Variants in CSDE1 observed in about 807,000 individuals in gnomAD.
CSDE1 encodes the protein cold shock domain containing E1.
Under a neutral mutation model 89.3 loss-of-function variants are expected in CSDE1, and 17 were observed. The ratio of observed to expected loss-of-function variants is 0.19; its 90% confidence interval spans 0.13 to 0.29. CSDE1 has a LOEUF of 0.29. Among genes scored for constraint, CSDE1 ranks in the 10% least tolerant of loss-of-function variants. The pLI is 1.00. For missense variants in CSDE1, 672 were observed against 984.2 expected, an observed-to-expected ratio of 0.68 and a Z score of 4.24; for synonymous variants, 322 against 332.8, an observed-to-expected ratio of 0.97 and a Z score of 0.35.
intron 12 of CSDE1, among the ~76,000 whole-genome samples, chr1:114,729,514 CA>C (rs66566286): frequency 0.65 from 83,104 of 127,256 alleles, 26,528 homozygotes; most frequent in East Asian, 0.96. Context: ...CACACAAAAC[CA>C]AAAAAAAAAA....
At chr1:114,721,865 T>C (rs1659543603) in intron 16 of CSDE1, among the ~76,000 whole-genome samples, 2 of 147,868 alleles carry the variant, frequency 1.4e-5, no homozygotes, top group African/African-American at 5.0e-5. Context: ...GGTTTACAGG[T>C]GTGAGCCACC....
chr1:114,734,483 T>C lies in CSDE1; in HGVS notation c.541A>G (p.Lys181Glu). 6.2e-7 allele frequency: 1 copy of C among 1,613,064 alleles called. No individual in the cohort carries two copies. Among genetic ancestry groups the C allele is most frequent in the Non-Finnish European group, 8.5e-7 (1 of 1,179,716 alleles). The change falls in exon 7 of 20, where the codon AAG becomes GAG. Residue 181 changes from lysine to glutamate, a missense_variant. Around this residue, in one of 8 missense-constraint regions of CSDE1, gnomAD observed 124 missense variants for 138.7 expected, o/e 0.89. Coordinates refer to ENST00000358528, the MANE Select transcript of CSDE1 (RefSeq NM_001007553.3). ...VSARNIMLLK[K>E]KQARCQGVVC... is the part of the protein sequence containing the mutation. ...ACTCCCTGACAGCGGGCTTGTTTCT[T>C]TTTCAACAGCATAATGTTGCGAGCA... is the stretch of plus-strand genomic sequence containing the variant.
chr1:114,754,388 AAC>A (rs1356886539), intron 1 of CSDE1, among the ~76,000 whole-genome samples: 2 of 152,262 alleles, frequency 1.3e-5, no homozygotes, highest in African/African-American at 4.8e-5. Context: ...AGGTTAAACT[AAC>A]ACATTTATGT....
At chr1:114,731,873 G>A (rs780785041) in intron 10 of CSDE1, among the ~76,000 whole-genome samples, 13 of 152,262 alleles carry the variant, frequency 8.5e-5, no homozygotes, top group Admixed American at 2.6e-4. Flanking sequence ...GCAGGGCAAC[G>A]GCATGGTATT....
intron 2 of CSDE1, among the ~76,000 whole-genome samples, chr1:114,742,486 GC>G (rs1279045056): frequency 6.6e-6 from 1 of 152,160 alleles, no homozygotes; most frequent in Non-Finnish European, 1.5e-5. Context: ...GGAGGGGGAG[GC>G]ATGAGAATTG....
chr1:114,731,781 C>A (rs1281304355), intron 10 of CSDE1, among the ~76,000 whole-genome samples: 1 of 152,188 alleles, frequency 6.6e-6, no homozygotes, highest in Non-Finnish European at 1.5e-5. Context: ...CCCAACACAA[C>A]AAATTGTTAA....
intron 12 of CSDE1, among the ~76,000 whole-genome samples, chr1:114,729,981 T>C (rs1660014106): frequency 6.6e-6 from 1 of 152,172 alleles, no homozygotes; most frequent in Non-Finnish European, 1.5e-5. Flanking sequence ...GCTGTCACAA[T>C]GGGAGGCAGG....
intron 2 of CSDE1, among the ~76,000 whole-genome samples, chr1:114,743,845 T>G (rs906912013): frequency 7.2e-5 from 11 of 152,362 alleles, no homozygotes; most frequent in Non-Finnish European, 1.5e-4. Context: ...ACTAGAGCTC[T>G]CTTTCCCTAG....
At chr1:114,729,712 T>C (rs1029303543) in intron 12 of CSDE1, among the ~76,000 whole-genome samples, 1 of 152,154 alleles carries the variant, frequency 6.6e-6, no homozygotes, top group Non-Finnish European at 1.5e-5. Flanking sequence ...ATATTTTATA[T>C]TCTATATGAA....
At position 114,744,723 on chromosome 1, in the gene CSDE1, T is replaced by C. The variant is rs549224953; in HGVS notation, c.1-4833A>G. ...AAAAAAAAATCACAAGGGACTGATA[T>C]CTGATTATACAAAAAGCACAAGCTT... is the stretch of plus-strand genomic sequence containing the variant. On this transcript the variant is annotated intron_variant, in intron 2 of 19. Transcript: ENST00000358528. Among the ~76,000 whole-genome samples, 22 of 152,036 alleles carry C rather than the reference T, an allele frequency of 1.4e-4. No individual in the cohort carries two copies. In the South Asian group the frequency reaches 3.5e-3, roughly 24 times the overall value.
rs142985259 is a variant in CSDE1, at chr1:114,754,623, T to A, written c.-388+3302A>T. Among the ~76,000 whole-genome samples the A allele has an allele frequency of 1.1e-4, 16 of 152,352 alleles. No individual in the cohort carries two copies. The East Asian group carries it at 2.9e-3, about 27-fold the overall frequency. On this transcript the variant is annotated intron_variant, in intron 1 of 19. Transcript: ENST00000358528. ...AGTTTCTCTATTGCCTGACATTTCA[T>A]TGAGCACCACATTTTATAACTGAAG... is the stretch of plus-strand genomic sequence containing the variant.
intron 7 of CSDE1, 138 bp downstream of exon 7, chr1:114,734,304 G>C: frequency 9.5e-7 from 1 of 1,052,098 alleles, no homozygotes; most frequent in Non-Finnish European, 1.4e-6. Flanking sequence ...GGAATTTTAA[G>C]AGACTACTTT....
chr1:114,748,470 C>T (rs1362349845), intron 2 of CSDE1: 1 of 152,188 alleles, frequency 6.6e-6, no homozygotes, highest in Non-Finnish European at 1.5e-5. Context: ...TCAAAGTTAA[C>T]CACTGTTCAA....
chr1:114,756,652 T>G (rs918825379), intron 1 of CSDE1: 1 of 152,214 alleles, frequency 6.6e-6, no homozygotes, highest in African/African-American at 2.4e-5. Flanking sequence ...AATTTAAGCC[T>G]CTCAAAAAGA....
rs1660037103 is a variant in CSDE1, at chr1:114,730,400, T to C, written c.1214A>G (p.Asn405Ser). 2 of 1,614,082 alleles carry C rather than the reference T, an allele frequency of 1.2e-6. No individual in the cohort carries two copies. The highest frequency in any genetic ancestry group is 2.2e-5 in the South Asian group (2 of 91,048). The change falls in exon 12 of 20, where the codon AAT (asparagine) becomes AGT (serine). Residue 405 changes from asparagine (N) to serine (S), a missense_variant. Asn to Ser is a conservative substitution (Grantham distance 46). Transcript: ENST00000358528. ...VVPDMLSAQR[N>S]HAIRIKKLPK... is the part of the protein sequence containing the mutation. ...AAGTTTTTTAATCCTAATAGCATGATTTCTTTGAGCAGAGAGCATATCCTA... is the reference window on the plus strand; with the variant it reads ...AAGTTTTTTAATCCTAATAGCATGACTTCTTTGAGCAGAGAGCATATCCTA...
intron 9 of CSDE1, among the ~76,000 whole-genome samples, 159 bp downstream of exon 9, chr1:114,733,573 T>G (rs1293029164): frequency 6.7e-6 from 1 of 149,412 alleles, no homozygotes; most frequent in African/African-American, 2.5e-5. Context: ...AATATATAAA[T>G]CTGGTTTCTC....
intron 2 of CSDE1, chr1:114,746,484 G>A (rs1363217692): frequency 6.6e-6 from 1 of 151,964 alleles, no homozygotes; most frequent in East Asian, 1.9e-4. Flanking sequence ...CCAATTTGGT[G>A]ACTAATTTTA....
intron 2 of CSDE1, among the ~76,000 whole-genome samples, chr1:114,740,173 T>C (rs570710733): frequency 6.6e-6 from 1 of 152,308 alleles, no homozygotes; most frequent in African/African-American, 2.4e-5. Context: ...GCAACTACAT[T>C]AGCAAATGCT....
In CSDE1 at chr1:114,726,350, G is replaced by C. The variant is rs1475184510; in HGVS notation, c.1501C>G (p.Gln501Glu). 2 of 1,612,822 alleles carry C rather than the reference G, an allele frequency of 1.2e-6. No individual in the cohort carries two copies. The highest frequency in any genetic ancestry group is 8.5e-7 in the Non-Finnish European group (1 of 1,179,622). ...FSISDKQRPG[Q>E]QVATCVRLLG... Reference sequence around the variant, plus strand: ...AGTCGCACACAAGTTGCAACCTGCTGTCCAGGCCTCTGTTTGTCACTAATA... The same window carrying C: ...AGTCGCACACAAGTTGCAACCTGCTCTCCAGGCCTCTGTTTGTCACTAATA... The change falls in exon 14 of 20, where the codon CAG becomes GAG. Residue 501 changes from glutamine (Q) to glutamate (E), a missense_variant. By Grantham distance (29) the Gln-to-Glu change is conservative. This residue lies in a region of CSDE1 where 108 missense variants were observed against 105.0 expected (regional missense o/e 1.03). Transcript: ENST00000358528.
Sources: gnomAD v4.1 joint callset for allele counts (sites outside exome capture counted in the v4.1 genomes callset) on GRCh38, gnomAD v4.1.1 for gene constraint, gnomAD v4.1.1 regional missense constraint, MANE v1.5 for transcripts, NCBI Gene and HGNC (gene_info 2026-07-23, HGNC 2026-07-21) for gene names.